Variants in PLCB4 observed in about 807,000 individuals in gnomAD.
The protein encoded by PLCB4 is 1-phosphatidylinositol 4,5-bisphosphate phosphodiesterase beta-4.
Under a neutral mutation model 178.8 loss-of-function variants are expected in PLCB4, and 77 were observed. That is an observed-to-expected ratio of 0.43 (90% confidence interval 0.36 to 0.52). The LOEUF (loss-of-function observed/expected upper bound fraction) is 0.52. Ranked by LOEUF, PLCB4 falls within the 20% of genes least tolerant of loss-of-function variation. The pLI, the probability that PLCB4 is intolerant of heterozygous loss-of-function variation, is 0.00. For synonymous variants in PLCB4, 496 were observed against 490.8 expected (o/e 1.01, Z -0.14); for missense variants, 1,024 against 1,453.4 (o/e 0.70, Z 4.80).
intron 3 of PLCB4, among the ~76,000 whole-genome samples, chr20:9,270,626 G>A (rs2094394001): frequency 1.3e-5 from 2 of 151,932 alleles, no homozygotes; most frequent in Admixed American, 1.3e-4. Flanking sequence ...AAATAACATG[G>A]ATATTATGAA....
chr20:9,257,202 T>C (rs1321766185), intron 3 of PLCB4, among the ~76,000 whole-genome samples: 1 of 152,218 alleles, frequency 6.6e-6, no homozygotes, highest in African/African-American at 2.4e-5. Context: ...ACAGGGCATG[T>C]AACTTGCTCT....
At chr20:9,236,980 A>G (rs1200412509) in intron 3 of PLCB4, among the ~76,000 whole-genome samples, 1 of 152,180 alleles carries the variant, frequency 6.6e-6, no homozygotes, top group African/African-American at 2.4e-5. Flanking sequence ...TTTTATTCTA[A>G]TAACTTATCT....
chr20:9,104,746 A>G (rs1300728382), intron 2 of PLCB4, among the ~76,000 whole-genome samples: 2 of 152,012 alleles, frequency 1.3e-5, no homozygotes, highest in African/African-American at 2.4e-5. Flanking sequence ...CCAGAATATT[A>G]TCCCTTTAAT....
intron 2 of PLCB4, among the ~76,000 whole-genome samples, chr20:9,180,517 G>A (rs2093228135): frequency 6.6e-6 from 1 of 152,132 alleles, no homozygotes; most frequent in Non-Finnish European, 1.5e-5. Flanking sequence ...GCTACATCTT[G>A]CCTAAACTCA....
intron 3 of PLCB4, among the ~76,000 whole-genome samples, chr20:9,223,383 A>G (rs2093823286): frequency 6.6e-6 from 1 of 152,266 alleles, no homozygotes. Context: ...TCACTTGAAG[A>G]TATAGTGGCT....
intron 2 of PLCB4, among the ~76,000 whole-genome samples, chr20:9,102,748 G>A (rs567528545): frequency 6.6e-6 from 1 of 151,866 alleles, no homozygotes; most frequent in Non-Finnish European, 1.5e-5. Context: ...TTTGGGGGGG[G>A]GCTATAGCTT....
At chr20:9,131,819 G>T (rs2092279574) in intron 2 of PLCB4, among the ~76,000 whole-genome samples, 1 of 152,126 alleles carries the variant, frequency 6.6e-6, no homozygotes, top group African/African-American at 2.4e-5. Flanking sequence ...TAGTAAAAAT[G>T]ATACAAGCAG....
chr20:9,084,113 G>A (rs6056394), intron 1 of PLCB4, among the ~76,000 whole-genome samples: 1 of 152,136 alleles, frequency 6.6e-6, no homozygotes, highest in African/African-American at 2.4e-5. Context: ...TCTTGAGTTG[G>A]TTTAGTTTAG....
intron 3 of PLCB4, among the ~76,000 whole-genome samples, chr20:9,267,831 A>G (rs1326236960): frequency 6.6e-6 from 1 of 152,096 alleles, no homozygotes; most frequent in African/African-American, 2.4e-5. Flanking sequence ...TTCATGGATT[A>G]ATGGAGTAAT....
At chr20:9,222,773 A>G (rs1395507010) in intron 3 of PLCB4, among the ~76,000 whole-genome samples, 1 of 152,170 alleles carries the variant, frequency 6.6e-6, no homozygotes, top group East Asian at 1.9e-4. Flanking sequence ...TCGTGGTACC[A>G]TATTGGCCAG....
At chr20:9,282,500 T>A (rs1162949995) in intron 3 of PLCB4, among the ~76,000 whole-genome samples, 1 of 151,986 alleles carries the variant, frequency 6.6e-6, no homozygotes, top group Non-Finnish European at 1.5e-5. Flanking sequence ...TTCCTCTCCC[T>A]GCCTTTTTAT....
intron 2 of PLCB4, among the ~76,000 whole-genome samples, chr20:9,098,976 A>G (rs1468697568): frequency 6.6e-6 from 1 of 151,486 alleles, no homozygotes; most frequent in Non-Finnish European, 1.5e-5. Context: ...AAAACTCTGT[A>G]TCATTCCTGC....
intron 24 of PLCB4, among the ~76,000 whole-genome samples, chr20:9,410,006 A>G (rs982321564): frequency 3.9e-5 from 6 of 152,230 alleles, no homozygotes; most frequent in South Asian, 4.1e-4. Flanking sequence ...ACTCTTTGCT[A>G]TTAAGAGAAC....
At chr20:9,383,348 G>A (rs929072860) in intron 13 of PLCB4, among the ~76,000 whole-genome samples, 9 of 152,186 alleles carry the variant, frequency 5.9e-5, no homozygotes, top group African/African-American at 2.2e-4. Context: ...AAAATGTTGA[G>A]ATCTGACCAC....
chr20:9,101,846 C>T (rs1432017371), intron 2 of PLCB4, among the ~76,000 whole-genome samples: 58 of 135,842 alleles, frequency 4.3e-4, no homozygotes, highest in African/African-American at 1.2e-3. Context: ...TGTAAATCAG[C>T]TTTTTTTTTT....
Position 9,393,689 on chromosome 20 carries a change from C to T in PLCB4, c.1414+11C>T, listed in dbSNP as rs1363880699. On this transcript the variant is annotated intron_variant, in intron 18 of 39. Transcript: ENST00000378473. ...CTGAAGTTGAAAAAAGTAAGTGAAA[C>T]ACACACATTTATAATGGAAGCATAC... The T allele has an allele frequency of 1.3e-6, 2 of 1,522,602 alleles. No homozygotes were observed. Among genetic ancestry groups the T allele is most frequent in the Non-Finnish European group, 1.8e-6 (2 of 1,097,130 alleles). 94.3% of individuals were successfully genotyped at this position (1,522,602 alleles called of 1,614,324 possible).
At chr20:9,351,540 C>T (rs892095757) in intron 7 of PLCB4, among the ~76,000 whole-genome samples, 2 of 152,036 alleles carry the variant, frequency 1.3e-5, no homozygotes, top group Non-Finnish European at 2.9e-5. Context: ...TATTTATTTT[C>T]CCTGTTTTTC....
chr20:9,081,374 A>C (rs1484633062), intron 1 of PLCB4, among the ~76,000 whole-genome samples: 3 of 152,166 alleles, frequency 2.0e-5, no homozygotes, highest in Non-Finnish European at 4.4e-5. Flanking sequence ...TGAAGTTTTA[A>C]CTCCTTTATT....
intron 2 of PLCB4, among the ~76,000 whole-genome samples, chr20:9,103,161 A>G (rs1240145791): frequency 2.6e-5 from 4 of 151,332 alleles, no homozygotes; most frequent in Admixed American, 2.6e-4. Flanking sequence ...ATTGGCATAT[A>G]CTCTGTGCTG....
Sources: gnomAD v4.1 joint callset for allele counts (sites outside exome capture counted in the v4.1 genomes callset) on GRCh38, gnomAD v4.1.1 for gene constraint, MANE v1.5 for transcripts, NCBI Gene and HGNC (gene_info 2026-07-23, HGNC 2026-07-21) for gene names.